The following SEMA3A variants were observed in gnomAD, a reference collection of about 807,000 sequenced individuals.
SEMA3A encodes semaphorin 3A.
SEMA3A carries 29 observed loss-of-function variants against 97.9 expected under a neutral mutation model. That is an observed-to-expected ratio of 0.30 (90% CI 0.22 to 0.40). SEMA3A has a LOEUF of 0.40. Among genes scored for constraint, SEMA3A ranks in the 10% least tolerant of loss-of-function variants. The pLI is 1.00. For missense variants in SEMA3A, 763 were observed against 951.3 expected (o/e 0.80, Z 2.60); for synonymous variants, 321 against 323.7 (o/e 0.99, Z 0.09).
chr7:84,448,262 G>A lies in SEMA3A; in HGVS notation c.-246+44198C>T, dbSNP rs763327842. ...GGCGAAGTGACACCCCAATTATCCC[G>A]TGAAACTACTTCTGTTTCACACAGT... On this transcript the variant is annotated intron_variant, in intron 1 of 3. Transcript: ENST00000424555. 8.6e-4 allele frequency among the ~76,000 whole-genome samples: 131 copies of A among 152,108 alleles called. 1 individual carries two copies. Among genetic ancestry groups the A allele is most frequent in the Admixed American group, 3.1e-3 (48 of 15,266 alleles).
intron 3 of SEMA3A, among the ~76,000 whole-genome samples, chr7:84,285,988 A>AG (rs2115763525): frequency 7.1e-6 from 1 of 141,560 alleles, no homozygotes; most frequent in East Asian, 2.1e-4. Context: ...AAAAAAAAAA[A>AG]GAAGAAGAAG....
chr7:84,105,583 C>T (rs1795084175), intron 4 of SEMA3A, among the ~76,000 whole-genome samples: 1 of 152,050 alleles, frequency 6.6e-6, no homozygotes, highest in African/African-American at 2.4e-5. Flanking sequence ...CAGCTCTCAT[C>T]TGGGCCTGCC....
At chr7:84,129,629 C>T (rs1015230149) in intron 2 of SEMA3A, among the ~76,000 whole-genome samples, 2 of 151,698 alleles carry the variant, frequency 1.3e-5, no homozygotes, top group Non-Finnish European at 2.9e-5. Flanking sequence ...ATACATTTCC[C>T]TGAAACAAAT....
chr7:84,447,855 T>C (rs952198480), intron 1 of SEMA3A, among the ~76,000 whole-genome samples: 13 of 152,084 alleles, frequency 8.5e-5, no homozygotes, highest in Non-Finnish European at 1.8e-4. Context: ...GTTACCCTTT[T>C]TGGGGCTCTG....
chr7:84,061,413 G>A (rs1202753157), intron 4 of SEMA3A, among the ~76,000 whole-genome samples: 4 of 152,124 alleles, frequency 2.6e-5, no homozygotes, highest in African/African-American at 9.7e-5. Flanking sequence ...TCTACCTACT[G>A]CACTCTATAT....
At chr7:84,235,345 T>A (rs1799211658) in intron 3 of SEMA3A, among the ~76,000 whole-genome samples, 1 of 152,064 alleles carries the variant, frequency 6.6e-6, no homozygotes, top group African/African-American at 2.4e-5. Context: ...ATTTAATATA[T>A]GCAATCATTT....
chr7:84,426,406 C>T (rs745858384), intron 1 of SEMA3A, among the ~76,000 whole-genome samples: 3 of 151,894 alleles, frequency 2.0e-5, no homozygotes, highest in Non-Finnish European at 4.4e-5. Flanking sequence ...CTGATATGGT[C>T]GATGAACCAC....
Position 84,483,086 on chromosome 7 carries a change from A to T in SEMA3A, c.-246+9374T>A, listed in dbSNP as rs147709785. Among the ~76,000 whole-genome samples the T allele has an allele frequency of 2.7e-3, 407 of 152,278 alleles. 1 individual carries two copies. The highest frequency in any genetic ancestry group is 8.5e-3 in the African/African-American group (355 of 41,556). The stretch of plus-strand genomic sequence containing the variant: ...TGAGAGCTCTATGTGCAATAACTAT[A>T]ACCATAAACTAAAGCACAGGATTGC... On this transcript the variant is annotated intron_variant, in intron 1 of 3. Transcript: ENST00000424555.
chr7:84,004,424 T>A (rs904218558), intron 11 of SEMA3A, among the ~76,000 whole-genome samples: 1 of 152,176 alleles, frequency 6.6e-6, no homozygotes, highest in Non-Finnish European at 1.5e-5. Context: ...GTTTTTCTAA[T>A]GAATTTTTTT....
At chr7:84,280,054 T>C (rs1452095443) in intron 3 of SEMA3A, among the ~76,000 whole-genome samples, 1 of 152,050 alleles carries the variant, frequency 6.6e-6, no homozygotes, top group Non-Finnish European at 1.5e-5. Flanking sequence ...CATGCCACCA[T>C]GTCTGGCTGA....
chr7:84,257,889 A>T (rs1384189732), intron 3 of SEMA3A, among the ~76,000 whole-genome samples: 1 of 152,224 alleles, frequency 6.6e-6, no homozygotes, highest in African/African-American at 2.4e-5. Flanking sequence ...GACCAAAATC[A>T]TATAATATGA....
At chr7:84,411,757 C>G (rs1375220427) in intron 1 of SEMA3A, among the ~76,000 whole-genome samples, 1 of 151,938 alleles carries the variant, frequency 6.6e-6, no homozygotes, top group Non-Finnish European at 1.5e-5. Flanking sequence ...CATGAAACAG[C>G]TGGGTTTAAA....
At chr7:84,275,967 C>G (rs545221619) in intron 3 of SEMA3A, among the ~76,000 whole-genome samples, 1 of 152,024 alleles carries the variant, frequency 6.6e-6, no homozygotes, top group East Asian at 1.9e-4. Context: ...ACATTTTTAT[C>G]GGACGTTGCT....
intron 3 of SEMA3A, among the ~76,000 whole-genome samples, chr7:84,120,198 A>T (rs949168571): frequency 6.6e-6 from 1 of 152,146 alleles, no homozygotes; most frequent in Non-Finnish European, 1.5e-5. Flanking sequence ...GTTCATGGCA[A>T]TTCAAACATA....
At chr7:84,066,299 C>A (rs1232876967) in intron 4 of SEMA3A, among the ~76,000 whole-genome samples, 1 of 152,024 alleles carries the variant, frequency 6.6e-6, no homozygotes, top group Non-Finnish European at 1.5e-5. Flanking sequence ...CTATGACAAA[C>A]CCACATCCAA....
chr7:84,114,745 A>G (rs2115958259), intron 3 of SEMA3A, among the ~76,000 whole-genome samples: 1 of 151,982 alleles, frequency 6.6e-6, no homozygotes. Flanking sequence ...AAGCTTTTCC[A>G]CACTTATCTG....
intron 1 of SEMA3A, among the ~76,000 whole-genome samples, chr7:84,462,687 T>A (rs1022527052): frequency 5.3e-5 from 8 of 152,164 alleles, no homozygotes; most frequent in African/African-American, 1.4e-4. Flanking sequence ...CATGTGTGAA[T>A]GCCTACTCTA....
intron 4 of SEMA3A, among the ~76,000 whole-genome samples, chr7:84,062,435 A>G (rs1012873160): frequency 2.6e-5 from 4 of 152,232 alleles, no homozygotes; most frequent in African/African-American, 9.6e-5. Context: ...GCCGAATAGG[A>G]ACAGCTCCGG....
intron 4 of SEMA3A, among the ~76,000 whole-genome samples, chr7:84,066,497 G>A (rs1423770956): frequency 2.0e-5 from 3 of 147,066 alleles, no homozygotes; most frequent in Non-Finnish European, 4.5e-5. Context: ...GTTTGCAGAC[G>A]ACATGATCGT....
Sources: allele counts gnomAD v4.1 joint callset (sites outside exome capture counted in the v4.1 genomes callset), GRCh38; gene constraint gnomAD v4.1.1; transcripts MANE v1.5; gene names NCBI Gene and HGNC (gene_info 2026-07-23, HGNC 2026-07-21).